Variants in FAAH2 observed in about 807,000 individuals in gnomAD.
FAAH2 encodes the protein fatty acid amide hydrolase 2, also known as fatty-acid amide hydrolase 2.
In FAAH2, 60 loss-of-function variants were observed where a neutral mutation model predicts 36.9. The observed-to-expected ratio is 1.63, with a 90% CI of 1.32 to 2.02. FAAH2 has a LOEUF of 2.02. FAAH2 is among the 30% of genes most tolerant of loss of function. The pLI is 0.00. For missense variants in FAAH2, 689 were observed against 397.5 expected (o/e 1.73, Z -6.23); for synonymous variants, 214 against 143.8 (o/e 1.49, Z -3.49).
At chrX:57,378,553 G>T (rs374796107) in intron 5 of FAAH2, 98 bp from the exon 6 acceptor site, 1 of 1,079,101 alleles carries the variant, frequency 9.3e-7, no homozygotes, top group Non-Finnish European at 1.2e-6. Flanking sequence ...TTAACCAGGA[G>T]AAAAAGTATT....
In FAAH2 at chrX:57,324,404, G is replaced by A. The variant is rs1337987243; in HGVS notation, c.413-7194G>A. Among the ~76,000 whole-genome samples the A allele has an allele frequency of 7.2e-5, 8 of 111,785 alleles. No individual in the cohort carries two copies. The East Asian group carries it at 1.9e-3, about 27-fold the overall frequency. On this transcript the variant is annotated intron_variant, in intron 3 of 10. Coordinates refer to ENST00000374900, the MANE Select transcript of FAAH2 (RefSeq NM_174912.4). ...AGTCTTTGGTAGCTTGATGCGGATG[G>A]CATTGAATCTATAAATTACCTTGGG...
chrX:57,439,944 C>A (rs770445864), intron 8 of FAAH2, among the ~76,000 whole-genome samples: 2 of 111,645 alleles, frequency 1.8e-5, no homozygotes, highest in South Asian at 7.6e-4. Context: ...GGGTTCTGTT[C>A]TCTTCCATTG....
rs144569795 is a variant in FAAH2 at position 57,383,982 on chromosome X, C to A, written c.996+2953C>A. Among the ~76,000 whole-genome samples the A allele has an allele frequency of 8.5e-4, 95 of 111,354 alleles. 1 individual carries two copies. The East Asian group carries it at 0.021, about 25-fold the overall frequency. On this transcript the variant is annotated intron_variant, in intron 7 of 10. Coordinates refer to ENST00000374900, the MANE Select transcript of FAAH2 (RefSeq NM_174912.4). ...TACTGGTACCAAAACAGAGATATAG[C>A]CCAATGGAACAGAACAGAGCCCTCA... is the stretch of plus-strand genomic sequence containing the variant.
intron 4 of FAAH2, among the ~76,000 whole-genome samples, chrX:57,340,296 T>G (rs2053654779): frequency 8.9e-6 from 1 of 111,792 alleles, no homozygotes; most frequent in African/African-American, 3.3e-5. Context: ...TGGTGCCTGT[T>G]GTGACTGGGG....
chrX:57,432,084 T>G (rs2056316054), intron 8 of FAAH2, 47 bp downstream of exon 8: 2 of 1,083,145 alleles, frequency 1.8e-6, no homozygotes, highest in African/African-American at 3.7e-5. Context: ...GTGTAAACAT[T>G]TATTGAGCTT....
chrX:57,488,926 GT>G lies in FAAH2; in HGVS notation c.1597del (p.Ter533ArgfsTer59), dbSNP rs1569381628. 2 of 1,208,042 alleles carry G rather than the reference GT, an allele frequency of 1.7e-6. No homozygotes were observed. Among genetic ancestry groups the G allele is most frequent in the Non-Finnish European group, 2.2e-6 (2 of 894,213 alleles). Reference sequence around the variant, plus strand: ...TTGGGGGCTGGGTCTGTCCAGGAAAGTTTTAGGAGGACCTTCTGCAAGGTTA... The same window carrying G: ...TTGGGGGCTGGGTCTGTCCAGGAAAGTTTAGGAGGACCTTCTGCAAGGTTA... ...TFGGWVCPGK[F>X] On this transcript the variant is annotated frameshift_variant, in exon 11 of 11. Transcript: ENST00000374900. LOFTEE classifies it high-confidence loss of function.
the FAAH2 span, among the ~76,000 whole-genome samples, chrX:57,219,863 CTTT>C: frequency 6.4e-3 from 228 of 35,619 alleles, 1 homozygote; most frequent in African/African-American, 0.026. Context: ...AGCGCCTTGT[CTTT>C]TTTTTTTTTT....
chrX:57,208,004 T>C, the FAAH2 span, among the ~76,000 whole-genome samples: 1 of 112,651 alleles, frequency 8.9e-6, no homozygotes. Context: ...GTAGCTATAA[T>C]ATTTCCCTGT....
At position 57,431,779 on chromosome X, in the gene FAAH2, G is replaced by GTTTTTTTGT. The variant is rs1556012921; in HGVS notation, c.997-130_997-122dup. 8.4e-5 allele frequency: 7 copies of GTTTTTTTGT among 83,575 alleles called. 1 individual carries two copies. Among genetic ancestry groups the GTTTTTTTGT allele is most frequent in the East Asian group, 1.5e-4 (1 of 6,586 alleles). The allele number at this position is 83,575 out of a possible 1,213,427, so 6.9% of individuals were successfully genotyped here. ...TTTGTTTTTGTTTTTTTGTTTTTTT[G>GTTTTTTTGT]TTTTTTTGTTTTTTTTGGTGTTTCC... On this transcript the variant is annotated intron_variant, in intron 7 of 10. Coordinates refer to ENST00000374900, the MANE Select transcript of FAAH2 (RefSeq NM_174912.4).
chrX:57,137,434 C>G, the FAAH2 span: 8 of 669,951 alleles, frequency 1.2e-5, no homozygotes, highest in East Asian at 1.6e-4. Context: ...GCTCGCTGGC[C>G]GTCTACCTCC....
At chrX:57,258,581 C>T in the FAAH2 span, among the ~76,000 whole-genome samples, 3 of 111,325 alleles carry the variant, frequency 2.7e-5, no homozygotes, top group African/African-American at 9.8e-5. Flanking sequence ...ATATGAGGAA[C>T]TCATACAACT....
At chrX:57,237,236 C>T in the FAAH2 span, among the ~76,000 whole-genome samples, 6 of 111,235 alleles carry the variant, frequency 5.4e-5, no homozygotes, top group Non-Finnish European at 1.1e-4. Flanking sequence ...TATACAAGTA[C>T]CATGCCGTTT....
intron 7 of FAAH2, among the ~76,000 whole-genome samples, chrX:57,422,433 G>A (rs772502699): frequency 8.5e-4 from 95 of 112,239 alleles, no homozygotes; most frequent in African/African-American, 2.9e-3. Flanking sequence ...CATGACAACA[G>A]CACTCACTCC....
intron 10 of FAAH2, among the ~76,000 whole-genome samples, chrX:57,452,881 A>T (rs187206759): frequency 2.9e-4 from 32 of 112,251 alleles, no homozygotes; most frequent in African/African-American, 9.7e-4. Flanking sequence ...TTAAGCTGGG[A>T]TCTGTTTTCC....
At chrX:57,212,527 TAAAAC>T in the FAAH2 span, among the ~76,000 whole-genome samples, 3 of 112,098 alleles carry the variant, frequency 2.7e-5, no homozygotes, top group Non-Finnish European at 5.6e-5. Context: ...ATTTAAAAAA[TAAAAC>T]AAAACTTCTG....
the FAAH2 span, among the ~76,000 whole-genome samples, chrX:57,243,642 C>T: frequency 8.9e-6 from 1 of 111,932 alleles, no homozygotes; most frequent in Non-Finnish European, 1.9e-5. Flanking sequence ...CTCCAGCAGA[C>T]CTGCAGCAGA....
intron 7 of FAAH2, among the ~76,000 whole-genome samples, chrX:57,425,388 G>A (rs769605274): frequency 5.4e-5 from 6 of 111,230 alleles, no homozygotes; most frequent in African/African-American, 1.6e-4. Context: ...AAAAATTATT[G>A]CAAGAAAGTA....
the FAAH2 span, among the ~76,000 whole-genome samples, chrX:57,268,345 G>T: frequency 3.6e-5 from 4 of 111,467 alleles, no homozygotes; most frequent in Non-Finnish European, 7.5e-5. Flanking sequence ...AAAAAAATGA[G>T]ATTATGTAAA....
chrX:57,306,913 T>A (rs1386509286), intron 2 of FAAH2, among the ~76,000 whole-genome samples: 89 of 83,971 alleles, frequency 1.1e-3, no homozygotes, highest in Non-Finnish European at 1.8e-3. Flanking sequence ...TATAGTACTA[T>A]ATAGTATATA....
Sources: gnomAD v4.1 joint callset for allele counts (sites outside exome capture counted in the v4.1 genomes callset) on GRCh38, gnomAD v4.1.1 for gene constraint, MANE v1.5 for transcripts, NCBI Gene and HGNC (gene_info 2026-07-23, HGNC 2026-07-21) for gene names.